The following SHISA9 variants were observed in gnomAD, a reference collection of about 807,000 sequenced individuals.
The protein encoded by SHISA9 is protein shisa-9.
SHISA9 carries 13 observed loss-of-function variants against 38.0 expected under a neutral mutation model. That is an observed-to-expected ratio of 0.34 (90% CI 0.22 to 0.54). SHISA9 has a LOEUF of 0.54. Among genes scored for constraint, SHISA9 ranks in the 20% least tolerant of loss-of-function variants. The pLI is 0.91. For missense variants in SHISA9, 538 were observed against 575.8 expected, an observed-to-expected ratio of 0.93 and a Z score of 0.67; for synonymous variants, 275 against 242.0, an observed-to-expected ratio of 1.14 and a Z score of -1.27.
chr16:12,979,390 T>C (rs1053782567), intron 2 of SHISA9, among the ~76,000 whole-genome samples: 2 of 152,106 alleles, frequency 1.3e-5, no homozygotes, highest in African/African-American at 4.8e-5. Context: ...CATGCAGGAC[T>C]TGCTTTTGTC....
At chr16:13,491,129 A>G in the SHISA9 span, among the ~76,000 whole-genome samples, 2 of 152,224 alleles carry the variant, frequency 1.3e-5, no homozygotes, top group Admixed American at 1.3e-4. Context: ...AAACTGAGAA[A>G]GATGCATTAA....
At position 13,152,813 on chromosome 16, in the gene SHISA9, T is replaced by C. The variant is rs541006524; in HGVS notation, c.692-50581T>C. Among the ~76,000 whole-genome samples the C allele has an allele frequency of 5.9e-5, 9 of 152,228 alleles. No individual in the cohort carries two copies. In the East Asian group the frequency reaches 1.4e-3, roughly 23 times the overall value. On this transcript the variant is annotated intron_variant, in intron 2 of 4. Transcript: ENST00000558583. Reference sequence around the variant, plus strand: ...CCCAAAGAGGTGCACATCCTAATAATTGGAAACTACATAAATATGTTAGGT... The same window carrying C: ...CCCAAAGAGGTGCACATCCTAATAACTGGAAACTACATAAATATGTTAGGT...
intron 2 of SHISA9, among the ~76,000 whole-genome samples, chr16:13,015,951 T>C (rs1596586418): frequency 4.7e-4 from 3 of 6,346 alleles, no homozygotes; most frequent in Non-Finnish European, 7.5e-4. Context: ...CCTTCTCTCT[T>C]TTCCCTTCCC....
At chr16:13,273,097 C>A in the SHISA9 span, among the ~76,000 whole-genome samples, 1 of 152,148 alleles carries the variant, frequency 6.6e-6, no homozygotes, top group Non-Finnish European at 1.5e-5. Flanking sequence ...ATTCCACTGG[C>A]TTCACCTGCA....
chr16:13,526,824 G>A, the SHISA9 span, among the ~76,000 whole-genome samples: 1 of 152,262 alleles, frequency 6.6e-6, no homozygotes, highest in South Asian at 2.1e-4. Context: ...GAACCTAAAC[G>A]TAAGTATTTT....
At chr16:13,386,622 A>G in the SHISA9 span, among the ~76,000 whole-genome samples, 5 of 152,180 alleles carry the variant, frequency 3.3e-5, no homozygotes, top group Non-Finnish European at 7.4e-5. Context: ...TTATACACGT[A>G]TCTTTGAAAA....
the SHISA9 span, among the ~76,000 whole-genome samples, chr16:13,472,895 A>G: frequency 2.6e-5 from 4 of 152,136 alleles, no homozygotes; most frequent in African/African-American, 4.8e-5. Context: ...CAAAGTTTTG[A>G]TATCTTGAAT....
chr16:13,128,695 C>T (rs545755910), intron 2 of SHISA9, among the ~76,000 whole-genome samples: 39 of 152,100 alleles, frequency 2.6e-4, no homozygotes, highest in Admixed American at 4.6e-4. Flanking sequence ...GTGAGTCTAG[C>T]TTATGTCCCA....
intron 2 of SHISA9, among the ~76,000 whole-genome samples, chr16:13,012,036 G>T (rs2072683531): frequency 6.6e-6 from 1 of 151,742 alleles, no homozygotes. Context: ...ATGTTGGCCA[G>T]GCTTGTCTCG....
chr16:13,276,774 G>A, the SHISA9 span, among the ~76,000 whole-genome samples: 1 of 151,632 alleles, frequency 6.6e-6, no homozygotes, highest in Non-Finnish European at 1.5e-5. Context: ...GTTTGATTTT[G>A]TCTTACTGAT....
chr16:13,277,317 G>A, the SHISA9 span, among the ~76,000 whole-genome samples: 2 of 152,072 alleles, frequency 1.3e-5, no homozygotes, highest in South Asian at 2.1e-4. Context: ...GGTGACTATG[G>A]CCTTATGGTG....
At chr16:13,342,657 A>C in the SHISA9 span, among the ~76,000 whole-genome samples, 2 of 152,122 alleles carry the variant, frequency 1.3e-5, no homozygotes, top group African/African-American at 4.8e-5. Context: ...TAACTCTTCA[A>C]CTTCACTATG....
chr16:13,078,387 T>C, intron 2 of SHISA9, among the ~76,000 whole-genome samples: 1 of 151,738 alleles, frequency 6.6e-6, no homozygotes, highest in East Asian at 1.9e-4. Context: ...TTTTTTATTG[T>C]TGTATTTTTA....
the SHISA9 span, among the ~76,000 whole-genome samples, chr16:13,449,859 G>A: frequency 1.3e-5 from 2 of 152,316 alleles, no homozygotes; most frequent in East Asian, 3.9e-4. Flanking sequence ...GCTCATGCCT[G>A]TAATCCCAGC....
At chr16:13,406,619 C>T in the SHISA9 span, among the ~76,000 whole-genome samples, 5 of 152,212 alleles carry the variant, frequency 3.3e-5, no homozygotes, top group African/African-American at 9.6e-5. Flanking sequence ...ACCAGAAACA[C>T]GACCCTGCGG....
chr16:13,203,162 T>C (rs1017035025), intron 2 of SHISA9: 3 of 381,804 alleles, frequency 7.9e-6, no homozygotes, highest in Non-Finnish European at 1.4e-5. Flanking sequence ...TAACATGTTT[T>C]GAGCACATCT....
At chr16:13,469,106 A>G in the SHISA9 span, among the ~76,000 whole-genome samples, 3 of 150,990 alleles carry the variant, frequency 2.0e-5, no homozygotes, top group African/African-American at 7.3e-5. Context: ...GCCAGGCGTG[A>G]TGGTGGGTGT....
chr16:13,006,963 C>T (rs559869714), intron 2 of SHISA9, among the ~76,000 whole-genome samples: 3 of 152,182 alleles, frequency 2.0e-5, no homozygotes, highest in Non-Finnish European at 4.4e-5. Flanking sequence ...CTCTTTCTGT[C>T]ACCCTCGACA....
the SHISA9 span, among the ~76,000 whole-genome samples, chr16:13,554,021 A>G: frequency 6.6e-6 from 1 of 152,166 alleles, no homozygotes; most frequent in Non-Finnish European, 1.5e-5. Context: ...GACCACAACT[A>G]TGAGTGTTCT....
Sources: gnomAD v4.1 joint callset for allele counts (sites outside exome capture counted in the v4.1 genomes callset) on GRCh38, gnomAD v4.1.1 for gene constraint, MANE v1.5 for transcripts, NCBI Gene and HGNC (gene_info 2026-07-23, HGNC 2026-07-21) for gene names.